RHNO1: variants seen among roughly 807,000 people sequenced by gnomAD.
RHNO1 encodes RAD9, HUS1, RAD1-interacting nuclear orphan protein 1.
RHNO1 carries 9 observed loss-of-function variants against 7.2 expected under a neutral mutation model. The observed-to-expected ratio is 1.25, with a 90% CI of 0.75 to 2.18. The LOEUF (loss-of-function observed/expected upper bound fraction) is 2.18. Among genes scored for constraint, RHNO1 ranks in the 30% most tolerant of loss-of-function variants. The pLI is 0.00. For missense variants in RHNO1, 292 were observed against 284.5 expected (o/e 1.03, Z -0.19); for synonymous variants, 95 against 107.5 (o/e 0.88, Z 0.72).
At chr12:2,885,883 C>G (rs2098165085) in intron 2 of RHNO1, 1 of 152,068 alleles carries the variant, frequency 6.6e-6, no homozygotes, top group Admixed American at 6.8e-5. Flanking sequence ...CCTACTTTGA[C>G]TTTTACTCTG....
chr12:2,885,561 ATTTTTTTTT>A (rs10558952), intron 2 of RHNO1, 27 bp downstream of exon 2: 53 of 399,328 alleles, frequency 1.3e-4, no homozygotes, highest in Middle Eastern at 6.8e-4. Context: ...ACTATTTGAC[ATTTTTTTTT>A]TTTTTTTTTT....
upstream of RHNO1, chr12:2,876,411 T>G (rs1253569823): frequency 6.6e-6 from 1 of 152,230 alleles, no homozygotes; most frequent in Non-Finnish European, 1.5e-5. Flanking sequence ...TGCCAACACT[T>G]TCTTGCCCGG....
chr12:2,880,155 C>T (rs1252192326), intron 1 of RHNO1, among the ~76,000 whole-genome samples: 1 of 151,726 alleles, frequency 6.6e-6, no homozygotes, highest in African/African-American at 2.4e-5. Flanking sequence ...AGAAACTAAC[C>T]AGGTGTGGTG....
intron 1 of RHNO1, among the ~76,000 whole-genome samples, chr12:2,877,684 G>A (rs374933179): frequency 6.0e-4 from 92 of 152,248 alleles, no homozygotes; most frequent in Middle Eastern, 6.8e-3. Context: ...CGCGAAACCT[G>A]TCTTTTGCCC....
Position 2,888,122 on chromosome 12 carries a change from C to A in RHNO1, c.380C>A (p.Pro127His). Reference sequence around the variant, plus strand: ...TCAGAAAAGGATGTTTCCAGAAGACCCTTAGTTCCAGTGCTCAGTCCCCAA... The same window carrying A: ...TCAGAAAAGGATGTTTCCAGAAGACACTTAGTTCCAGTGCTCAGTCCCCAA... ...SESEKDVSRRPLVPVLSPQSC... is the reference protein window; with the variant it reads ...SESEKDVSRRHLVPVLSPQSC... The change falls in exon 3 of 3, where the codon CCC becomes CAC. Residue 127 changes from proline to histidine, a missense_variant. By Grantham distance (77) the Pro-to-His change is moderately conservative (BLOSUM62 -2). Transcript: ENST00000489288. The A allele has an allele frequency of 6.2e-7, 1 of 1,613,906 alleles. No individual in the cohort carries two copies. Among genetic ancestry groups the A allele is most frequent in the Non-Finnish European group, 8.5e-7 (1 of 1,179,924 alleles).
intron 1 of RHNO1, among the ~76,000 whole-genome samples, chr12:2,883,383 GAAA>G (rs1565488028): frequency 7.1e-6 from 1 of 139,948 alleles, no homozygotes; most frequent in African/African-American, 2.6e-5. Flanking sequence ...TCGAAAAAAA[GAAA>G]AAAAAGAAAA....
rs770977613 is a variant in RHNO1, at chr12:2,888,311, A to T, written c.569A>T (p.Asn190Ile). ...LSCTLHTGTP[N>I]SPEPGPVLVK... Reference sequence around the variant, plus strand: ...TGCACTCTTCACACTGGCACTCCTAATAGCCCAGAGCCTGGACCTGTTCTG... The same window carrying T: ...TGCACTCTTCACACTGGCACTCCTATTAGCCCAGAGCCTGGACCTGTTCTG... Residue 190 changes from asparagine (N) to isoleucine (I), a missense_variant, in exon 3 of 3, where the codon AAT becomes ATT. Transcript: ENST00000489288. 1 of 1,614,120 alleles carries T rather than the reference A, an allele frequency of 6.2e-7. No homozygotes were observed. The highest frequency in any genetic ancestry group is 8.5e-7 in the Non-Finnish European group (1 of 1,180,006).
intron 1 of RHNO1, among the ~76,000 whole-genome samples, chr12:2,883,527 T>A (rs2098161679): frequency 1.0e-5 from 1 of 97,804 alleles, no homozygotes; most frequent in South Asian, 3.6e-4. Flanking sequence ...TTTTTTTTTT[T>A]TTTTTTTGAG....
At chr12:2,884,034 A>T (rs1355214212) in intron 1 of RHNO1, among the ~76,000 whole-genome samples, 1 of 151,878 alleles carries the variant, frequency 6.6e-6, no homozygotes, top group Non-Finnish European at 1.5e-5. Flanking sequence ...GTCCAAACTC[A>T]TATGGTGTCA....
intron 1 of RHNO1, among the ~76,000 whole-genome samples, chr12:2,877,528 C>G (rs1414640301): frequency 6.6e-6 from 1 of 152,208 alleles, no homozygotes; most frequent in Non-Finnish European, 1.5e-5. Flanking sequence ...AGTTGATTTC[C>G]TCACTGGGGG....
chr12:2,887,910 G>A lies in RHNO1; in HGVS notation c.169-1G>A. 1 of 1,531,378 alleles carries A rather than the reference G, an allele frequency of 6.5e-7. No individual in the cohort carries two copies. Among genetic ancestry groups the A allele is most frequent in the Non-Finnish European group, 8.8e-7 (1 of 1,141,692 alleles). 94.9% of individuals were successfully genotyped at this position (1,531,378 alleles called of 1,614,324 possible). A position where few individuals can be genotyped will look rare whatever the true frequency, so the allele number is the denominator to read the frequency against. ...CACCTCACTTTTTTTTTTTTTTTAAGGTATCACCTGATTTTGATACAGCAG... is the reference window on the plus strand; with the variant it reads ...CACCTCACTTTTTTTTTTTTTTTAAAGTATCACCTGATTTTGATACAGCAG... On this transcript the variant is annotated splice_acceptor_variant, in intron 2 of 2. Transcript: ENST00000489288. LOFTEE classifies it high-confidence loss of function.
At chr12:2,880,921 G>T (rs767549968) in intron 1 of RHNO1, among the ~76,000 whole-genome samples, 1 of 151,972 alleles carries the variant, frequency 6.6e-6, no homozygotes, top group Non-Finnish European at 1.5e-5. Flanking sequence ...TTACAGGCGT[G>T]AGCTACTGCA....
chr12:2,881,787 C>A (rs963712194), intron 1 of RHNO1, among the ~76,000 whole-genome samples: 5 of 151,592 alleles, frequency 3.3e-5, no homozygotes, highest in Admixed American at 2.6e-4. Flanking sequence ...CGCCTGTAGT[C>A]CCAGCAACTC....
Position 2,888,235 on chromosome 12 carries a change from G to A in RHNO1, c.493G>A (p.Val165Met). Reference protein sequence around the residue: ...PDIQTPESSSVKEELIPQDQK... With the variant: ...PDIQTPESSSMKEELIPQDQK... The stretch of plus-strand genomic sequence containing the variant: ...TATCCAGACCCCAGAGTCATCGTCT[G>A]TGAAGGAAGAACTCATTCCCCAAGA... The change falls in exon 3 of 3, where the codon GTG becomes ATG. Residue 165 changes from valine (V) to methionine (M), a missense_variant. Physicochemically the swap from Val to Met is conservative, Grantham distance 21. Transcript: ENST00000489288. The A allele has an allele frequency of 1.2e-6, 2 of 1,614,106 alleles. No individual in the cohort carries two copies. Among genetic ancestry groups the A allele is most frequent in the Non-Finnish European group, 1.7e-6 (2 of 1,180,020 alleles).
At chr12:2,882,167 C>T (rs978509384) in intron 1 of RHNO1, among the ~76,000 whole-genome samples, 1 of 151,662 alleles carries the variant, frequency 6.6e-6, no homozygotes, top group African/African-American at 2.4e-5. Context: ...CTGGGCCAGG[C>T]GTGGTGGCTC....
intron 2 of RHNO1, 26 bp downstream of exon 2, chr12:2,885,560 CATTTTTTTTTTTTTTT>C (rs2098164547): frequency 7.6e-5 from 56 of 735,706 alleles, no homozygotes; most frequent in Admixed American, 1.9e-4. Flanking sequence ...TACTATTTGA[CATTTTTTTTTTTTTTT>C]TTTTTTTTTT....
In RHNO1 at chr12:2,887,927, A is replaced by ATTTTTTTTTTT; in HGVS notation, c.186_187insTTTTTTTTTTT (p.Thr63PhefsTer36). 6.3e-7 allele frequency: 1 copy of ATTTTTTTTTTT among 1,580,500 alleles called. No homozygotes were observed. The highest frequency in any genetic ancestry group is 1.2e-5 in the South Asian group (1 of 86,520). ...TTTTTTAAGGTATCACCTGATTTTG[A>ATTTTTTTTTTT]TACAGCAGCAGGAAGCTTGTTCCCA... On this transcript the variant is annotated frameshift_variant, in exon 3 of 3. Transcript: ENST00000489288. LOFTEE classifies it low-confidence loss of function (END_TRUNC).
At position 2,889,283 on chromosome 12, in the gene RHNO1, A is replaced by G. The variant is rs1464373979; in HGVS notation, c.*824A>G. 1 of 152,174 alleles carries G rather than the reference A, an allele frequency of 6.6e-6. No individual in the cohort carries two copies. The highest frequency in any genetic ancestry group is 1.5e-5 in the Non-Finnish European group (1 of 68,032). The allele number at this position is 152,174 out of a possible 1,614,324, so 9.4% of individuals were successfully genotyped here. A position where few individuals can be genotyped will look rare whatever the true frequency, so the allele number is the denominator to read the frequency against. On this transcript the variant is annotated 3_prime_UTR_variant, in exon 3 of 3. Coordinates refer to ENST00000489288, the MANE Select transcript of RHNO1 (RefSeq NM_001252499.3). ...ATGAGGGGAGATAAGGGGGACATAG[A>G]TGAGTTCTTTAGGATTGCGTGTGTT...
At chr12:2,881,061 TTGCTACCAC>T (rs2098156921) in intron 1 of RHNO1, among the ~76,000 whole-genome samples, 1 of 152,024 alleles carries the variant, frequency 6.6e-6, no homozygotes, top group South Asian at 2.1e-4. Flanking sequence ...ACTATAGCCA[TTGCTACCAC>T]TGTTATCTTT....
Sources: allele counts gnomAD v4.1 joint callset (sites outside exome capture counted in the v4.1 genomes callset), GRCh38; gene constraint gnomAD v4.1.1; transcripts MANE v1.5; gene names NCBI Gene and HGNC (gene_info 2026-07-23, HGNC 2026-07-21).